Variants in PTPRD observed in about 807,000 individuals in gnomAD.
PTPRD encodes receptor-type tyrosine-protein phosphatase delta.
PTPRD carries 34 observed loss-of-function variants against 214.5 expected under a neutral mutation model. The ratio of observed to expected loss-of-function variants is 0.16; its 90% CI spans 0.12 to 0.21. The LOEUF is 0.21. Among genes scored for constraint, PTPRD ranks in the 10% least tolerant of loss-of-function variants. The pLI is 1.00. For synonymous variants in PTPRD, 1,128 were observed against 845.7 expected (o/e 1.33, Z -5.79); for missense variants, 2,545 against 2,398.7 (o/e 1.06, Z -1.27).
rs538612541 is a variant in PTPRD at position 8,910,037 on chromosome 9, T to A, written c.-104+108660A>T. Among the ~76,000 whole-genome samples the A allele has an allele frequency of 1.9e-4, 29 of 151,566 alleles. No homozygotes were observed. In the East Asian group the frequency reaches 4.5e-3, roughly 23 times the overall value. On this transcript the variant is annotated intron_variant, in intron 11 of 45. Transcript: ENST00000381196. The stretch of plus-strand genomic sequence containing the variant: ...TATGTAGAAATTTATTTATTTATTA[T>A]TTATTTATTTATTTATTTTGAGATG...
intron 10 of PTPRD, among the ~76,000 whole-genome samples, chr9:9,044,255 T>A (rs556383789): frequency 6.6e-6 from 1 of 152,344 alleles, no homozygotes; most frequent in South Asian, 2.1e-4. Context: ...ACACTCAACA[T>A]GTCACCAAAG....
chr9:10,023,068 T>C (rs934268376), intron 4 of PTPRD, among the ~76,000 whole-genome samples: 15 of 152,200 alleles, frequency 9.9e-5, no homozygotes, highest in Non-Finnish European at 1.8e-4. Flanking sequence ...TATTTTTATA[T>C]GTATACTACA....
intron 27 of PTPRD, among the ~76,000 whole-genome samples, chr9:8,489,549 A>G (rs1350519773): frequency 6.6e-6 from 1 of 152,204 alleles, no homozygotes; most frequent in Non-Finnish European, 1.5e-5. Context: ...AGCTTGGGGA[A>G]GAACACCCAA....
At chr9:8,340,263 CAA>C in intron 42 of PTPRD, 78 bp downstream of exon 42, 1 of 1,449,108 alleles carries the variant, frequency 6.9e-7, no homozygotes, top group East Asian at 2.3e-5. Context: ...TGATCTAGCA[CAA>C]GAGTTATTGA....
At chr9:8,471,893 A>G (rs1466855185) in intron 30 of PTPRD, among the ~76,000 whole-genome samples, 2 of 152,278 alleles carry the variant, frequency 1.3e-5, no homozygotes, top group East Asian at 1.9e-4. Flanking sequence ...ATTCCTGTTT[A>G]GGGATTCTGC....
At chr9:9,538,126 C>G (rs2076881614) in intron 8 of PTPRD, among the ~76,000 whole-genome samples, 1 of 151,808 alleles carries the variant, frequency 6.6e-6, no homozygotes. Context: ...GAGCATCTTT[C>G]AAAGTATTTC....
At chr9:9,297,526 C>T (rs1225403496) in intron 9 of PTPRD, among the ~76,000 whole-genome samples, 1 of 151,516 alleles carries the variant, frequency 6.6e-6, no homozygotes, top group Non-Finnish European at 1.5e-5. Context: ...TGACTATCTT[C>T]CAAAAAGACA....
In PTPRD at chr9:9,722,854, G is replaced by A. The variant is rs530882087; in HGVS notation, c.-287+11679C>T. Among the ~76,000 whole-genome samples, 12 of 152,158 alleles carry A rather than the reference G, an allele frequency of 7.9e-5. No homozygotes were observed. In the South Asian group the frequency reaches 2.3e-3, roughly 29 times the overall value. Reference sequence around the variant, plus strand: ...TTGACCATTTCTATACCTTTGGAGAGATTTCTATGCAAGTCATTTGCATTT... The same window carrying A: ...TTGACCATTTCTATACCTTTGGAGAAATTTCTATGCAAGTCATTTGCATTT... On this transcript the variant is annotated intron_variant, in intron 7 of 45. Coordinates refer to ENST00000381196, the MANE Select transcript of PTPRD (RefSeq NM_002839.4).
chr9:8,931,571 A>G (rs894875017), intron 11 of PTPRD, among the ~76,000 whole-genome samples: 26 of 152,164 alleles, frequency 1.7e-4, no homozygotes, highest in Admixed American at 1.4e-3. Flanking sequence ...CCTTTTCACG[A>G]TATTGATTCT....
intron 11 of PTPRD, among the ~76,000 whole-genome samples, chr9:8,935,096 T>C (rs1435286156): frequency 6.6e-6 from 1 of 152,192 alleles, no homozygotes; most frequent in Non-Finnish European, 1.5e-5. Context: ...TTTCATATAT[T>C]GGCTATTGTG....
chr9:9,081,866 C>G (rs1468267476), intron 10 of PTPRD, among the ~76,000 whole-genome samples: 1 of 150,544 alleles, frequency 6.6e-6, no homozygotes, highest in Non-Finnish European at 1.5e-5. Flanking sequence ...AAATATTCCT[C>G]CATGCCTTTA....
chr9:8,379,832 C>T (rs936989272), intron 37 of PTPRD, among the ~76,000 whole-genome samples: 6 of 152,044 alleles, frequency 3.9e-5, no homozygotes, highest in East Asian at 1.9e-4. Context: ...TGGATACAAG[C>T]GGCCTCTAGG....
chr9:8,566,688 A>T (rs1350887870), intron 14 of PTPRD, among the ~76,000 whole-genome samples: 1 of 152,182 alleles, frequency 6.6e-6, no homozygotes, highest in African/African-American at 2.4e-5. Context: ...TACGTTAGAC[A>T]CTCATGATTA....
chr9:8,321,021 T>A (rs1232285732), intron 44 of PTPRD, among the ~76,000 whole-genome samples: 7 of 152,042 alleles, frequency 4.6e-5, no homozygotes, highest in Non-Finnish European at 4.4e-5. Context: ...CCTTTATAAA[T>A]GGGGTTTCTA....
At chr9:8,836,882 A>G (rs1287586017) in intron 11 of PTPRD, among the ~76,000 whole-genome samples, 3 of 152,018 alleles carry the variant, frequency 2.0e-5, no homozygotes, top group African/African-American at 7.2e-5. Context: ...TCCCTAGAAA[A>G]GTAAACAACC....
At chr9:9,736,832 G>A (rs879372068) in intron 6 of PTPRD, among the ~76,000 whole-genome samples, 3 of 151,772 alleles carry the variant, frequency 2.0e-5, no homozygotes, top group African/African-American at 2.4e-5. Flanking sequence ...TTCTAGATGC[G>A]AGTCCTTTGT....
rs1039837495 is a variant in PTPRD, at chr9:8,338,859, G to T, written c.5379+63C>A. On this transcript the variant is annotated intron_variant, in intron 43 of 45. Transcript: ENST00000381196. ...CAAGTGCTTCTCCCAGAGAGAGAGA[G>T]AGAGAGGTATCTTAGACTACTTTTC... 12 of 1,506,270 alleles carry T rather than the reference G, an allele frequency of 8.0e-6. No individual in the cohort carries two copies. In the East Asian group the frequency reaches 2.3e-4, roughly 29 times the overall value. 93.3% of individuals were successfully genotyped at this position (1,506,270 alleles called of 1,614,324 possible). A position where few individuals can be genotyped will look rare whatever the true frequency, so the allele number is the denominator to read the frequency against.
intron 4 of PTPRD, among the ~76,000 whole-genome samples, chr9:9,949,098 G>T (rs1248281088): frequency 6.6e-6 from 1 of 151,960 alleles, no homozygotes; most frequent in African/African-American, 2.4e-5. Context: ...ATCAGAGAAA[G>T]TTCAAACATA....
At chr9:9,604,897 T>C (rs1021754815) in intron 7 of PTPRD, among the ~76,000 whole-genome samples, 2 of 152,026 alleles carry the variant, frequency 1.3e-5, no homozygotes, top group African/African-American at 4.8e-5. Flanking sequence ...GAGAGGTATA[T>C]TATGACCACT....
Sources: gnomAD v4.1 joint callset for allele counts (sites outside exome capture counted in the v4.1 genomes callset) on GRCh38, gnomAD v4.1.1 for gene constraint, MANE v1.5 for transcripts, NCBI Gene and HGNC (gene_info 2026-07-23, HGNC 2026-07-21) for gene names.